Variants in C12orf42 observed in about 807,000 individuals in gnomAD.
C12orf42 encodes the protein chromosome 12 open reading frame 42.
C12orf42 carries 25 observed loss-of-function variants against 21.6 expected under a neutral mutation model. The observed-to-expected ratio is 1.16, with a 90% CI of 0.84 to 1.62. The LOEUF is 1.62. Ranked by LOEUF, C12orf42 falls within the 40% of genes most tolerant of loss-of-function variation. The pLI is 0.00. For synonymous variants in C12orf42, 174 were observed against 175.0 expected (o/e 0.99, Z 0.05); for missense variants, 483 against 459.3 (o/e 1.05, Z -0.47).
At chr12:103,546,931 A>T in the C12orf42 span, among the ~76,000 whole-genome samples, 1 of 151,916 alleles carries the variant, frequency 6.6e-6, no homozygotes, top group Non-Finnish European at 1.5e-5. Context: ...AGTTTCCTCC[A>T]CTCTATTACC....
At chr12:103,333,441 C>A (rs781417341) in intron 4 of C12orf42, among the ~76,000 whole-genome samples, 75 of 152,274 alleles carry the variant, frequency 4.9e-4, no homozygotes, top group Middle Eastern at 3.4e-3. Context: ...ATTCACATAA[C>A]AAGGAACTAC....
intron 2 of C12orf42, among the ~76,000 whole-genome samples, chr12:103,402,889 G>T (rs1398749497): frequency 6.6e-6 from 1 of 152,166 alleles, no homozygotes; most frequent in Non-Finnish European, 1.5e-5. Flanking sequence ...ATTGGGGAGG[G>T]TCATAGATTT....
In C12orf42 at chr12:103,474,454, A is replaced by ATG. The variant is rs371887251; in HGVS notation, c.78+3893_78+3894dup. Among the ~76,000 whole-genome samples, 230 of 149,368 alleles carry ATG rather than the reference A, an allele frequency of 1.5e-3. 3 individuals carry two copies. The highest frequency in any genetic ancestry group is 3.2e-3 in the African/African-American group (130 of 40,620). Reference sequence around the variant, plus strand: ...TATGTATGTATACATGTATGTATGTATGTGTGTGTGTGTGTGTGTGTGTGT... The same window carrying ATG: ...TATGTATGTATACATGTATGTATGTATGTGTGTGTGTGTGTGTGTGTGTGTGT... On this transcript the variant is annotated intron_variant, in intron 2 of 5. Coordinates refer to ENST00000548883, the MANE Select transcript of C12orf42 (RefSeq NM_198521.5).
chr12:103,348,744 T>C (rs1258332576), intron 4 of C12orf42, among the ~76,000 whole-genome samples: 1 of 151,996 alleles, frequency 6.6e-6, no homozygotes, highest in Non-Finnish European at 1.5e-5. Flanking sequence ...AAGAACAGGA[T>C]AAAATGACAA....
the C12orf42 span, among the ~76,000 whole-genome samples, chr12:103,502,496 G>C: frequency 6.6e-6 from 1 of 151,512 alleles, no homozygotes; most frequent in Admixed American, 6.6e-5. Flanking sequence ...CACACCTCCC[G>C]TGTGCCTGCC....
At chr12:103,048,039 G>T in the C12orf42 span, among the ~76,000 whole-genome samples, 2 of 152,182 alleles carry the variant, frequency 1.3e-5, no homozygotes, top group African/African-American at 4.8e-5. Flanking sequence ...CTTTTACCAG[G>T]AGGGAAATAA....
intron 4 of C12orf42, among the ~76,000 whole-genome samples, chr12:103,309,923 A>G (rs1194758807): frequency 6.6e-6 from 1 of 152,248 alleles, no homozygotes; most frequent in African/African-American, 2.4e-5. Context: ...CAGAAATGAA[A>G]TAAGGGTCCA....
At chr12:103,183,688 T>A in the C12orf42 span, among the ~76,000 whole-genome samples, 1 of 152,200 alleles carries the variant, frequency 6.6e-6, no homozygotes, top group Non-Finnish European at 1.5e-5. Flanking sequence ...TCTTTTCTAA[T>A]GTAAACTTTT....
rs941294580 is a variant in C12orf42 at position 103,460,747 on chromosome 12, A to T, written c.78+17602T>A. Among the ~76,000 whole-genome samples the T allele has an allele frequency of 2.0e-5, 3 of 152,202 alleles. No homozygotes were observed. In the East Asian group the frequency reaches 5.8e-4, roughly 29 times the overall value. On this transcript the variant is annotated intron_variant, in intron 2 of 5. Coordinates refer to ENST00000548883, the MANE Select transcript of C12orf42 (RefSeq NM_198521.5). ...ATTTATAAACAGATTTTAGTAAGAAATCCCATCTGTAAGTTGGGAACTAAA... is the reference window on the plus strand; with the variant it reads ...ATTTATAAACAGATTTTAGTAAGAATTCCCATCTGTAAGTTGGGAACTAAA...
intron 2 of C12orf42, among the ~76,000 whole-genome samples, chr12:103,470,748 AG>A (rs1480159540): frequency 9.2e-5 from 14 of 152,172 alleles, no homozygotes; most frequent in Non-Finnish European, 1.5e-4. Context: ...CAATACCCTG[AG>A]GCCATTATGA....
Position 103,401,599 on chromosome 12 carries a change from T to C in C12orf42, c.147+8A>G, listed in dbSNP as rs1386867190. 3 of 1,613,372 alleles carry C rather than the reference T, an allele frequency of 1.9e-6. No individual in the cohort carries two copies. The highest frequency in any genetic ancestry group is 2.5e-6 in the Non-Finnish European group (3 of 1,179,442). ...AGCAGCCCTGCACATAACATTCCGC[T>C]GACTCACCTTTGCACTGGGTGTGCT... is the stretch of plus-strand genomic sequence containing the variant. On this transcript the variant is annotated splice_region_variant and intron_variant, in intron 3 of 5. Transcript: ENST00000548883.
chr12:103,482,264 G>A (rs1191769874), intron 1 of C12orf42, among the ~76,000 whole-genome samples: 1 of 152,010 alleles, frequency 6.6e-6, no homozygotes, highest in Non-Finnish European at 1.5e-5. Flanking sequence ...AAACTCTCAG[G>A]TCTGTTTGGA....
intron 3 of C12orf42, among the ~76,000 whole-genome samples, chr12:103,379,083 TA>T (rs1198493596): frequency 1.3e-5 from 2 of 151,826 alleles, no homozygotes; most frequent in Admixed American, 1.3e-4. Context: ...GATATAAATA[TA>T]GACAAAAATC....
the C12orf42 span, among the ~76,000 whole-genome samples, chr12:103,215,341 C>A: frequency 1.3e-4 from 19 of 151,760 alleles, no homozygotes; most frequent in African/African-American, 4.6e-4. Context: ...TATACTAATA[C>A]AAGTATTAAT....
chr12:103,484,686 G>A (rs1260905187), intron 1 of C12orf42, among the ~76,000 whole-genome samples: 2 of 151,934 alleles, frequency 1.3e-5, no homozygotes, highest in African/African-American at 4.8e-5. Flanking sequence ...GTCGATTTTG[G>A]CTTTTGTTGC....
At chr12:103,324,240 T>C (rs2040458352) in intron 4 of C12orf42, among the ~76,000 whole-genome samples, 1 of 152,174 alleles carries the variant, frequency 6.6e-6, no homozygotes. Flanking sequence ...CTATAAACTC[T>C]AAATAGGCTC....
intron 2 of C12orf42, among the ~76,000 whole-genome samples, chr12:103,425,743 A>G (rs974872518): frequency 6.6e-6 from 1 of 151,654 alleles, no homozygotes; most frequent in Admixed American, 6.6e-5. Context: ...GGGAGATGGG[A>G]TTTTTATCTA....
At chr12:103,123,814 T>C in the C12orf42 span, among the ~76,000 whole-genome samples, 1 of 151,866 alleles carries the variant, frequency 6.6e-6, no homozygotes, top group African/African-American at 2.4e-5. Flanking sequence ...CCTATTTCTT[T>C]TTATTTAAAA....
chr12:103,309,741 C>T (rs948677749), intron 4 of C12orf42, among the ~76,000 whole-genome samples: 8 of 152,188 alleles, frequency 5.3e-5, no homozygotes, highest in Admixed American at 2.6e-4. Context: ...TAGAAGCAAC[C>T]GTGCTGGACT....
Sources: gnomAD v4.1 joint callset for allele counts (sites outside exome capture counted in the v4.1 genomes callset) on GRCh38, gnomAD v4.1.1 for gene constraint, MANE v1.5 for transcripts, NCBI Gene and HGNC (gene_info 2026-07-23, HGNC 2026-07-21) for gene names.